The following ROBO2 variants were observed in gnomAD, a reference collection of about 807,000 sequenced individuals.
ROBO2 encodes roundabout homolog 2.
Under a neutral mutation model 160.8 loss-of-function variants are expected in ROBO2, and 53 were observed. That is an observed-to-expected ratio of 0.33 (90% CI 0.26 to 0.41). The LOEUF is 0.41. ROBO2 is among the 10% of genes least tolerant of loss of function. The pLI, the probability that ROBO2 is intolerant of heterozygous loss-of-function variation, is 1.00. For missense variants in ROBO2, 1,577 were observed against 1,722.4 expected (o/e 0.92, Z 1.49); for synonymous variants, 664 against 611.7 (o/e 1.09, Z -1.26).
At chr3:76,835,635 G>A (rs2067623411) in intron 2 of ROBO2, among the ~76,000 whole-genome samples, 2 of 151,632 alleles carry the variant, frequency 1.3e-5, no homozygotes, top group Non-Finnish European at 1.5e-5. Flanking sequence ...CAAATAATTT[G>A]CATTTTGCAT....
intron 2 of ROBO2, among the ~76,000 whole-genome samples, chr3:75,989,790 T>C (rs1282113076): frequency 1.3e-5 from 2 of 152,340 alleles, no homozygotes; most frequent in South Asian, 4.1e-4. Flanking sequence ...GAGAAACAGA[T>C]GAACTGATGA....
intron 2 of ROBO2, among the ~76,000 whole-genome samples, chr3:76,745,597 T>C (rs2093872152): frequency 1.3e-5 from 2 of 152,168 alleles, no homozygotes; most frequent in South Asian, 4.2e-4. Context: ...ATCTTGTCTC[T>C]GTTCCTGATT....
At chr3:77,544,022 A>G (rs995171067) in intron 6 of ROBO2, among the ~76,000 whole-genome samples, 2 of 152,046 alleles carry the variant, frequency 1.3e-5, no homozygotes, top group African/African-American at 4.8e-5. Flanking sequence ...TAGGATCACA[A>G]AGAGATAACT....
intron 2 of ROBO2, among the ~76,000 whole-genome samples, chr3:77,207,759 T>C (rs2083613608): frequency 6.6e-6 from 1 of 152,202 alleles, no homozygotes. Flanking sequence ...TTTAAGACTA[T>C]CCTCAGTTAA....
intron 5 of ROBO2, 65 bp downstream of exon 5, chr3:77,493,447 AG>A: frequency 1.3e-6 from 2 of 1,551,250 alleles, no homozygotes; most frequent in Admixed American, 3.4e-5. Context: ...ATAAAAGGAC[AG>A]CTACAATGCC....
intron 2 of ROBO2, among the ~76,000 whole-genome samples, chr3:76,303,898 T>G (rs1378018939): frequency 1.3e-5 from 2 of 152,194 alleles, no homozygotes; most frequent in East Asian, 3.8e-4. Flanking sequence ...CCGGTGATAC[T>G]CAGGTGCTGC....
chr3:76,397,617 C>T (rs946394293), intron 2 of ROBO2, among the ~76,000 whole-genome samples: 4 of 151,514 alleles, frequency 2.6e-5, no homozygotes, highest in South Asian at 4.2e-4. Context: ...TGAACTCAAA[C>T]AAATTTACAA....
intron 2 of ROBO2, among the ~76,000 whole-genome samples, chr3:77,261,160 G>A (rs1193482237): frequency 6.6e-6 from 1 of 152,146 alleles, no homozygotes; most frequent in African/African-American, 2.4e-5. Context: ...TATGTCTGGA[G>A]TAGAAATGAG....
At chr3:76,737,435 G>A (rs1303438590) in intron 2 of ROBO2, among the ~76,000 whole-genome samples, 2 of 151,714 alleles carry the variant, frequency 1.3e-5, no homozygotes, top group Admixed American at 6.6e-5. Context: ...TCCAACAATA[G>A]GAAACAAACA....
chr3:75,999,169 T>C (rs2065812628), intron 2 of ROBO2, among the ~76,000 whole-genome samples: 2 of 152,120 alleles, frequency 1.3e-5, no homozygotes, highest in Non-Finnish European at 2.9e-5. Context: ...GACAAAATAA[T>C]ATATAAGACA....
At chr3:76,139,817 A>T (rs905830117) in intron 2 of ROBO2, among the ~76,000 whole-genome samples, 1 of 152,140 alleles carries the variant, frequency 6.6e-6, no homozygotes, top group Non-Finnish European at 1.5e-5. Context: ...CAGGTAAAAC[A>T]TGGTGAAGTT....
chr3:77,412,362 C>T (rs1052756182), intron 2 of ROBO2, among the ~76,000 whole-genome samples: 1 of 152,208 alleles, frequency 6.6e-6, no homozygotes, highest in Non-Finnish European at 1.5e-5. Flanking sequence ...GCCAGTATAT[C>T]TAAGTGTGGT....
chr3:76,044,858 CT>C (rs1347542837), intron 2 of ROBO2, among the ~76,000 whole-genome samples: 1 of 151,962 alleles, frequency 6.6e-6, no homozygotes, highest in Admixed American at 6.6e-5. Context: ...TGCATTTCAA[CT>C]GGGACCTAAA....
intron 2 of ROBO2, among the ~76,000 whole-genome samples, chr3:76,835,068 T>A (rs2067561134): frequency 1.3e-5 from 2 of 152,092 alleles, no homozygotes; most frequent in South Asian, 4.1e-4. Flanking sequence ...GAATGCAAAC[T>A]TTTTAGGATA....
intron 2 of ROBO2, among the ~76,000 whole-genome samples, chr3:76,639,955 CTA>C (rs968348611): frequency 2.0e-5 from 3 of 151,802 alleles, no homozygotes; most frequent in African/African-American, 7.3e-5. Context: ...ACTAAAATAA[CTA>C]TGCATAAATA....
chr3:76,405,568 G>A (rs1436917682), intron 2 of ROBO2, among the ~76,000 whole-genome samples: 1 of 151,678 alleles, frequency 6.6e-6, no homozygotes, highest in African/African-American at 2.4e-5. Context: ...CCTTCAACAT[G>A]TTTTACTTCT....
chr3:76,139,971 A>T (rs1347515119), intron 2 of ROBO2, among the ~76,000 whole-genome samples: 1 of 152,076 alleles, frequency 6.6e-6, no homozygotes, highest in Non-Finnish European at 1.5e-5. Context: ...AAAATGCCAT[A>T]TACCTGTCTT....
intron 2 of ROBO2, among the ~76,000 whole-genome samples, chr3:76,603,687 C>G (rs2087417907): frequency 6.6e-6 from 1 of 151,668 alleles, no homozygotes; most frequent in South Asian, 2.1e-4. Context: ...TTCAGTTATT[C>G]CATCTGGAAT....
At chr3:76,865,195 C>A (rs1279162280) in intron 2 of ROBO2, among the ~76,000 whole-genome samples, 1 of 151,568 alleles carries the variant, frequency 6.6e-6, no homozygotes. Flanking sequence ...CTCAAATTAT[C>A]ATTGGTGAAG....
Sources: allele counts gnomAD v4.1 joint callset (sites outside exome capture counted in the v4.1 genomes callset), GRCh38; gene constraint gnomAD v4.1.1; transcripts MANE v1.5; gene names NCBI Gene and HGNC (gene_info 2026-07-23, HGNC 2026-07-21).